DLG2: variants seen among roughly 807,000 people sequenced by gnomAD.
DLG2 encodes the protein disks large homolog 2.
A neutral mutation model predicts 132.5 loss-of-function variants in DLG2; 45 were observed. The ratio of observed to expected loss-of-function variants is 0.34; its 90% CI spans 0.27 to 0.44. The LOEUF is 0.44. DLG2 is among the 20% of genes least tolerant of loss of function. The pLI is 1.00. For synonymous variants in DLG2, 424 were observed against 419.6 expected (o/e 1.01, Z -0.13); for missense variants, 1,045 against 1,196.9 (o/e 0.87, Z 1.87).
At chr11:84,203,343 G>A (rs1049353476) in intron 8 of DLG2, among the ~76,000 whole-genome samples, 1 of 152,130 alleles carries the variant, frequency 6.6e-6, no homozygotes, top group Non-Finnish European at 1.5e-5. Context: ...AGCACTTTGG[G>A]AGGCTGAGGT....
At chr11:83,545,391 A>G (rs1413955556) in intron 19 of DLG2, among the ~76,000 whole-genome samples, 2 of 152,138 alleles carry the variant, frequency 1.3e-5, no homozygotes, top group African/African-American at 2.4e-5. Flanking sequence ...TGAAAAATAT[A>G]TTAGAATTTG....
intron 7 of DLG2, among the ~76,000 whole-genome samples, chr11:84,264,178 A>T (rs1203040793): frequency 6.6e-6 from 1 of 152,174 alleles, no homozygotes; most frequent in African/African-American, 2.4e-5. Flanking sequence ...CTGATGCCAA[A>T]GAATATACTC....
intron 6 of DLG2, among the ~76,000 whole-genome samples, chr11:84,582,181 C>A (rs1454835505): frequency 4.6e-5 from 7 of 151,456 alleles, no homozygotes; most frequent in African/African-American, 1.2e-4. Flanking sequence ...ACTTGAAAAC[C>A]AGGATAAGTT....
chr11:85,310,173 A>G (rs1246319179), intron 3 of DLG2, among the ~76,000 whole-genome samples: 2 of 152,206 alleles, frequency 1.3e-5, no homozygotes, highest in Non-Finnish European at 2.9e-5. Flanking sequence ...ATAGACAAAA[A>G]TAATCCATCA....
chr11:85,140,035 T>C (rs1207895479), intron 5 of DLG2, among the ~76,000 whole-genome samples: 1 of 152,068 alleles, frequency 6.6e-6, no homozygotes, highest in Non-Finnish European at 1.5e-5. Context: ...CCATATTATG[T>C]GTGTACCACA....
intron 11 of DLG2, among the ~76,000 whole-genome samples, chr11:84,023,947 T>G (rs1422275232): frequency 1.3e-5 from 2 of 152,268 alleles, no homozygotes; most frequent in Non-Finnish European, 2.9e-5. Flanking sequence ...CTCACTTACT[T>G]CATTATAAGA....
At chr11:84,120,180 T>C (rs969034057) in intron 9 of DLG2, among the ~76,000 whole-genome samples, 2 of 152,188 alleles carry the variant, frequency 1.3e-5, no homozygotes. Flanking sequence ...TCATTTGACA[T>C]TCCATCCCCC....
intron 3 of DLG2, among the ~76,000 whole-genome samples, chr11:85,491,456 G>C (rs1309674298): frequency 6.6e-6 from 1 of 151,912 alleles, no homozygotes; most frequent in Admixed American, 6.6e-5. Context: ...CACCCAAATT[G>C]TAAAGAAAAA....
chr11:84,881,634 C>A lies in DLG2; in HGVS notation c.357+230027G>T, dbSNP rs528915424. Among the ~76,000 whole-genome samples the A allele has an allele frequency of 3.9e-5, 6 of 152,218 alleles. No homozygotes were observed. In the South Asian group the frequency reaches 1.2e-3, roughly 32 times the overall value. On this transcript the variant is annotated intron_variant, in intron 6 of 27. Coordinates refer to ENST00000376104, the MANE Select transcript of DLG2 (RefSeq NM_001142699.3). ...CCTCTCACTAAATGCCCATAGCTTT[C>A]CCCAGTCATTGCAACAAACAAAAAC...
At chr11:84,953,184 G>A (rs1165201552) in intron 6 of DLG2, among the ~76,000 whole-genome samples, 1 of 152,108 alleles carries the variant, frequency 6.6e-6, no homozygotes, top group East Asian at 1.9e-4. Flanking sequence ...CATTTTCTGA[G>A]GTGGAATTGG....
intron 6 of DLG2, among the ~76,000 whole-genome samples, chr11:84,956,665 A>G (rs757329982): frequency 3.9e-5 from 6 of 152,186 alleles, no homozygotes; most frequent in Non-Finnish European, 7.3e-5. Context: ...CACTACATAC[A>G]TTTGAAAGGA....
chr11:84,766,865 CA>C (rs2068494496), intron 6 of DLG2, among the ~76,000 whole-genome samples: 1 of 151,962 alleles, frequency 6.6e-6, no homozygotes, highest in Non-Finnish European at 1.5e-5. Context: ...TAATCATAAA[CA>C]AAGTAGAAAT....
At chr11:83,874,801 T>C (rs1168308568) in intron 15 of DLG2, among the ~76,000 whole-genome samples, 1 of 152,204 alleles carries the variant, frequency 6.6e-6, no homozygotes, top group Non-Finnish European at 1.5e-5. Context: ...GGTAGAACCC[T>C]CCACCAAAAT....
Position 85,466,239 on chromosome 11 carries a change from A to AT in DLG2, c.40+132417dup, listed in dbSNP as rs1361644116. Among the ~76,000 whole-genome samples the AT allele has an allele frequency of 3.9e-5, 6 of 152,038 alleles. No homozygotes were observed. In the South Asian group the frequency reaches 1.2e-3, roughly 32 times the overall value. ...TTTGTCAGACGAGTAAATTGCAAAA[A>AT]TTTTCTCCCATTCTGTAGGTTGCCT... On this transcript the variant is annotated intron_variant, in intron 3 of 27. Coordinates refer to ENST00000376104, the MANE Select transcript of DLG2 (RefSeq NM_001142699.3).
chr11:85,323,344 T>C (rs140706903), intron 3 of DLG2, among the ~76,000 whole-genome samples: 2 of 152,362 alleles, frequency 1.3e-5, no homozygotes, highest in African/African-American at 2.4e-5. Context: ...CACAGATAAT[T>C]ACTTATTAAA....
rs558938563 is a variant in DLG2 at position 84,403,647 on chromosome 11, C to T, written c.519+130923G>A. On this transcript the variant is annotated intron_variant, in intron 7 of 27. Coordinates refer to ENST00000376104, the MANE Select transcript of DLG2 (RefSeq NM_001142699.3). The stretch of plus-strand genomic sequence containing the variant: ...AAAATCCTTCAATGACGCCTACTAG[C>T]TTACCCAATAAAATTCACATAGTTA... Among the ~76,000 whole-genome samples, 213 of 152,302 alleles carry T rather than the reference C, an allele frequency of 1.4e-3. 2 individuals carry two copies. Among genetic ancestry groups the T allele is most frequent in the Middle Eastern group, 3.4e-3 (1 of 294 alleles).
At chr11:85,115,900 C>T (rs1276045411) in intron 5 of DLG2, among the ~76,000 whole-genome samples, 2 of 151,912 alleles carry the variant, frequency 1.3e-5, no homozygotes, top group Non-Finnish European at 2.9e-5. Context: ...CTTCACAAGA[C>T]TAAATGGACA....
intron 6 of DLG2, among the ~76,000 whole-genome samples, chr11:84,907,010 C>T (rs1202880316): frequency 1.3e-5 from 2 of 152,112 alleles, no homozygotes; most frequent in Non-Finnish European, 2.9e-5. Flanking sequence ...ATTCTTAACA[C>T]AAATTTCAAA....
intron 6 of DLG2, among the ~76,000 whole-genome samples, chr11:84,788,203 A>G (rs2073250323): frequency 6.6e-6 from 1 of 152,034 alleles, no homozygotes; most frequent in Non-Finnish European, 1.5e-5. Flanking sequence ...AAAAACAAAA[A>G]TAGTAAAACA....
Sources: gnomAD v4.1 joint callset for allele counts (sites outside exome capture counted in the v4.1 genomes callset) on GRCh38, gnomAD v4.1.1 for gene constraint, MANE v1.5 for transcripts, NCBI Gene and HGNC (gene_info 2026-07-23, HGNC 2026-07-21) for gene names.